DSCAM: variants seen among roughly 807,000 people sequenced by gnomAD.
DSCAM encodes the protein DS cell adhesion molecule.
A neutral mutation model predicts 217.7 loss-of-function variants in DSCAM; 47 were observed. That is an observed-to-expected ratio of 0.22 (90% confidence interval 0.17 to 0.28). DSCAM has a LOEUF of 0.28. Ranked by LOEUF, DSCAM falls within the 10% of genes least tolerant of loss-of-function variation. The pLI is 1.00. For missense variants in DSCAM, 2,080 were observed against 2,618.3 expected (o/e 0.79, Z 4.49); for synonymous variants, 1,056 against 1,015.3 (o/e 1.04, Z -0.76).
chr21:40,590,413 C>T (rs1020773421), intron 3 of DSCAM, among the ~76,000 whole-genome samples: 1 of 152,194 alleles, frequency 6.6e-6, no homozygotes, highest in African/African-American at 2.4e-5. Context: ...GGAATTAAAT[C>T]CCATCTCCAC....
intron 6 of DSCAM, among the ~76,000 whole-genome samples, chr21:40,345,785 C>A (rs887200551): frequency 6.6e-6 from 1 of 152,102 alleles, no homozygotes; most frequent in Non-Finnish European, 1.5e-5. Flanking sequence ...TCCATTTCTG[C>A]TTTCTTTGCT....
chr21:40,491,115 C>A (rs1170075859), intron 3 of DSCAM, among the ~76,000 whole-genome samples: 3 of 152,102 alleles, frequency 2.0e-5, no homozygotes, highest in African/African-American at 7.2e-5. Flanking sequence ...AAAGAAAGTG[C>A]AATTTTAGAG....
chr21:40,167,050 C>A (rs1473910752), intron 16 of DSCAM, among the ~76,000 whole-genome samples, 168 bp downstream of exon 16: 1 of 151,116 alleles, frequency 6.6e-6, no homozygotes, highest in Non-Finnish European at 1.5e-5. Context: ...TAAAAGTATT[C>A]AAAATGTGGA....
At chr21:40,025,523 C>A (rs1478773530) in intron 32 of DSCAM, among the ~76,000 whole-genome samples, 1 of 149,958 alleles carries the variant, frequency 6.7e-6, no homozygotes, top group African/African-American at 2.5e-5. Context: ...GGTTGGTAAG[C>A]TATTGATTGT....
At chr21:40,643,144 A>G (rs2089903658) in intron 3 of DSCAM, among the ~76,000 whole-genome samples, 1 of 152,196 alleles carries the variant, frequency 6.6e-6, no homozygotes, top group African/African-American at 2.4e-5. Flanking sequence ...TGCAGCTCAG[A>G]TATGTAGGAA....
chr21:40,114,095 G>A (rs1450491992), intron 20 of DSCAM, among the ~76,000 whole-genome samples: 16 of 150,264 alleles, frequency 1.1e-4, no homozygotes, highest in Admixed American at 2.0e-4. Flanking sequence ...AAAAGAGCCC[G>A]CATCGCCAAG....
chr21:40,627,259 G>T (rs2146310818), intron 3 of DSCAM, among the ~76,000 whole-genome samples: 1 of 152,308 alleles, frequency 6.6e-6, no homozygotes, highest in East Asian at 1.9e-4. Flanking sequence ...ATTGATAACA[G>T]ATTTAAGTTG....
In DSCAM at chr21:40,560,551, G is replaced by A. The variant is rs560541964; in HGVS notation, c.508+132259C>T. ...ACAGCGACTCCTCGACTTACAGTGG[G>A]ATTATGTCTGGAGAAACTCATTGTA... is the stretch of plus-strand genomic sequence containing the variant. On this transcript the variant is annotated intron_variant, in intron 3 of 32. Coordinates refer to ENST00000400454, the MANE Select transcript of DSCAM (RefSeq NM_001389.5). 1.4e-3 allele frequency among the ~76,000 whole-genome samples: 211 copies of A among 152,348 alleles called. 1 individual carries two copies. Among genetic ancestry groups the A allele is most frequent in the Middle Eastern group, 0.01 (3 of 294 alleles).
chr21:40,084,501 A>AACACACACACAC (rs145863686), intron 23 of DSCAM, among the ~76,000 whole-genome samples: 10 of 137,688 alleles, frequency 7.3e-5, no homozygotes, highest in Admixed American at 1.5e-4. Context: ...TCCAAGATGC[A>AACACACACACAC]ACACACACAC....
intron 27 of DSCAM, among the ~76,000 whole-genome samples, chr21:40,063,350 T>A (rs529638717): frequency 6.6e-6 from 1 of 152,172 alleles, no homozygotes; most frequent in Non-Finnish European, 1.5e-5. Context: ...AAATGAAATA[T>A]AAATGTTCCT....
At position 40,341,836 on chromosome 21, in the gene DSCAM, G is replaced by GT. The variant is rs202083647; in HGVS notation, c.1211-2422dup. ...TTGACCGCTAATATCCCTCGTCACT[G>GT]TTTTTTTTCCAGAGCAGTCCGTATC... is the stretch of plus-strand genomic sequence containing the variant. On this transcript the variant is annotated intron_variant, in intron 6 of 32. Coordinates refer to ENST00000400454, the MANE Select transcript of DSCAM (RefSeq NM_001389.5). Among the ~76,000 whole-genome samples the GT allele has an allele frequency of 3.9e-4, 60 of 151,996 alleles. 4 individuals carry two copies. In the East Asian group the frequency reaches 5.2e-3, roughly 13 times the overall value.
At chr21:40,454,089 A>T (rs2075744147) in intron 3 of DSCAM, among the ~76,000 whole-genome samples, 1 of 152,244 alleles carries the variant, frequency 6.6e-6, no homozygotes, top group Non-Finnish European at 1.5e-5. Context: ...GATATATATA[A>T]GCCAATTAGA....
At chr21:40,291,161 C>A (rs2073887532) in intron 10 of DSCAM, among the ~76,000 whole-genome samples, 1 of 152,200 alleles carries the variant, frequency 6.6e-6, no homozygotes, top group South Asian at 2.1e-4. Flanking sequence ...GTCCATCACT[C>A]AAAGACATTC....
At chr21:40,704,090 G>GT (rs1156382744) in intron 2 of DSCAM, among the ~76,000 whole-genome samples, 3 of 151,984 alleles carry the variant, frequency 2.0e-5, no homozygotes, top group East Asian at 3.9e-4. Context: ...ACTCTATGTT[G>GT]TAAGTTCTAT....
intron 3 of DSCAM, among the ~76,000 whole-genome samples, chr21:40,683,118 G>A (rs1163253507): frequency 6.6e-6 from 1 of 152,152 alleles, no homozygotes; most frequent in African/African-American, 2.4e-5. Flanking sequence ...TAGGCTCCAG[G>A]ACTATAAGGA....
Position 40,796,211 on chromosome 21 carries a change from C to A in DSCAM, c.43+50408G>T, listed in dbSNP as rs180892829. On this transcript the variant is annotated intron_variant, in intron 1 of 32. Transcript: ENST00000400454. Reference sequence around the variant, plus strand: ...GTCTACTTCCCTGCTTCATTGACATCAGGCTTGGCCATGTTCCTGACTCAG... The same window carrying A: ...GTCTACTTCCCTGCTTCATTGACATAAGGCTTGGCCATGTTCCTGACTCAG... Among the ~76,000 whole-genome samples, 29 of 152,286 alleles carry A rather than the reference C, an allele frequency of 1.9e-4. 1 individual carries two copies. The Middle Eastern group carries it at 0.01, about 54-fold the overall frequency.
chr21:40,020,600 G>A (rs1262288193), intron 32 of DSCAM, among the ~76,000 whole-genome samples: 1 of 152,094 alleles, frequency 6.6e-6, no homozygotes, highest in Non-Finnish European at 1.5e-5. Flanking sequence ...ACTGAAAGGG[G>A]AAGTTGAGGC....
At chr21:40,667,699 G>A (rs924495616) in intron 3 of DSCAM, among the ~76,000 whole-genome samples, 2 of 152,114 alleles carry the variant, frequency 1.3e-5, no homozygotes, top group African/African-American at 4.8e-5. Context: ...GGTTTTATAA[G>A]GGGCTTTTCC....
chr21:40,729,640 T>C (rs950458549), intron 1 of DSCAM, among the ~76,000 whole-genome samples: 2 of 152,214 alleles, frequency 1.3e-5, no homozygotes, highest in Non-Finnish European at 2.9e-5. Context: ...TCTTTGGTTA[T>C]AACATTTATT....
Sources: gnomAD v4.1 joint callset for allele counts (sites outside exome capture counted in the v4.1 genomes callset) on GRCh38, gnomAD v4.1.1 for gene constraint, MANE v1.5 for transcripts, NCBI Gene and HGNC (gene_info 2026-07-23, HGNC 2026-07-21) for gene names.